The following CACNA1B variants were observed in gnomAD, a reference collection of about 807,000 sequenced individuals.
CACNA1B encodes the protein calcium voltage-gated channel subunit alpha1 B, also known as voltage-dependent N-type calcium channel subunit alpha-1B.
Under a neutral mutation model 247.2 loss-of-function variants are expected in CACNA1B, and 70 were observed. The observed-to-expected ratio is 0.28, with a 90% CI of 0.23 to 0.35. The LOEUF (loss-of-function observed/expected upper bound fraction) is 0.35. Among genes scored for constraint, CACNA1B ranks in the 10% least tolerant of loss-of-function variants. The probability of loss-of-function intolerance (pLI) is 1.00; values close to 1 mark genes in which losing one functional copy is unlikely to be tolerated. For missense variants in CACNA1B, 2,367 were observed against 3,197.4 expected (o/e 0.74, Z 6.26); for synonymous variants, 1,231 against 1,294.4 (o/e 0.95, Z 1.05).
intron 15 of CACNA1B, among the ~76,000 whole-genome samples, chr9:137,988,142 C>T (rs532051957): frequency 6.6e-6 from 1 of 152,308 alleles, no homozygotes; most frequent in East Asian, 1.9e-4. Flanking sequence ...GTGACAGGAC[C>T]TATGTCAGCC....
rs925700255 is a variant in CACNA1B, at chr9:137,963,204, C to T, written c.1333+5517C>T. The stretch of plus-strand genomic sequence containing the variant: ...TTTGTCAGAAACTAGGATTGCAACC[C>T]CTACTCTTTTCTGTTTTCCATTTGC... On this transcript the variant is annotated intron_variant, in intron 10 of 46. Coordinates refer to ENST00000371372, the MANE Select transcript of CACNA1B (RefSeq NM_000718.4). 3.3e-5 allele frequency among the ~76,000 whole-genome samples: 5 copies of T among 152,084 alleles called. No individual in the cohort carries two copies. The South Asian group carries it at 8.3e-4, about 25-fold the overall frequency.
intron 21 of CACNA1B, among the ~76,000 whole-genome samples, chr9:138,046,396 C>A (rs1197666577): frequency 2.0e-5 from 3 of 152,218 alleles, no homozygotes; most frequent in Non-Finnish European, 4.4e-5. Flanking sequence ...CGCACAGGCC[C>A]CAGAGAACTT....
intron 15 of CACNA1B, among the ~76,000 whole-genome samples, chr9:137,995,354 G>C: frequency 6.6e-6 from 1 of 152,078 alleles, no homozygotes; most frequent in East Asian, 1.9e-4. Flanking sequence ...CAATGGAAAA[G>C]AATAGAGAAC....
intron 3 of CACNA1B, among the ~76,000 whole-genome samples, chr9:137,896,171 G>A (rs566515149): frequency 4.0e-5 from 6 of 151,340 alleles, no homozygotes; most frequent in East Asian, 1.9e-4. Context: ...CCTGGGTGGC[G>A]GAGCTTGCAG....
chr9:138,044,541 G>T (rs1228074209), intron 21 of CACNA1B, among the ~76,000 whole-genome samples: 1 of 152,272 alleles, frequency 6.6e-6, no homozygotes, highest in African/African-American at 2.4e-5. Flanking sequence ...GCAAGGCATG[G>T]AGATGCGGAC....
Position 137,913,325 on chromosome 9 carries a change from T to G in CACNA1B, c.622+54T>G. The G allele has an allele frequency of 2.3e-6, 3 of 1,314,198 alleles. No individual in the cohort carries two copies. Among genetic ancestry groups the G allele is most frequent in the Non-Finnish European group, 3.3e-6 (3 of 912,226 alleles). The allele number at this position is 1,314,198 out of a possible 1,614,324, so 81.4% of individuals were successfully genotyped here. On this transcript the variant is annotated intron_variant, in intron 4 of 46. Coordinates refer to ENST00000371372, the MANE Select transcript of CACNA1B (RefSeq NM_000718.4). This position sits in a 1 kb window ranked among gnomAD's most constrained non-coding sequence, Gnocchi z 5.2. ...GGCTTGGAGTAACAACCTCCTCTCCTACCCTCACCACGGACATGGCCATGG... is the reference window on the plus strand; with the variant it reads ...GGCTTGGAGTAACAACCTCCTCTCCGACCCTCACCACGGACATGGCCATGG...
intron 42 of CACNA1B, 53 bp from the exon 43 acceptor site, chr9:138,117,893 A>T: frequency 6.9e-7 from 1 of 1,448,002 alleles, no homozygotes; most frequent in Non-Finnish European, 9.3e-7. Context: ...GCTATTGGTA[A>T]GGCACCTGCA....
rs778124347 is a variant in CACNA1B, at chr9:137,917,212, C to T, written c.776-29C>T. 6.3e-7 allele frequency: 1 copy of T among 1,592,626 alleles called. No homozygotes were observed. The highest frequency in any genetic ancestry group is 8.6e-7 in the Non-Finnish European group (1 of 1,168,332). On this transcript the variant is annotated intron_variant, in intron 5 of 46. Transcript: ENST00000371372. This position sits in a 1 kb window ranked among gnomAD's most constrained non-coding sequence, Gnocchi z 5.5. Reference sequence around the variant, plus strand: ...TTGGAGAGCTTGGTATTTCTGAGCTCAGGGTCTGCTTCATTCTCCTTCTTG... The same window carrying T: ...TTGGAGAGCTTGGTATTTCTGAGCTTAGGGTCTGCTTCATTCTCCTTCTTG...
rs1281453986 is a variant in CACNA1B, at chr9:138,032,843, A to G, written c.3286+7671A>G. The G allele has an allele frequency of 1.4e-5, 5 of 360,178 alleles. No individual in the cohort carries two copies. The East Asian group carries it at 4.2e-4, about 30-fold the overall frequency. 22.3% of individuals were successfully genotyped at this position (360,178 alleles called of 1,614,324 possible). On this transcript the variant is annotated intron_variant, in intron 20 of 46. Transcript: ENST00000371372. ...CTTTATATTTCAGAAGTTTGATTACAGTGTGCTTTGATGTGAGTTCCTTTA... is the reference window on the plus strand; with the variant it reads ...CTTTATATTTCAGAAGTTTGATTACGGTGTGCTTTGATGTGAGTTCCTTTA...
chr9:137,999,471 T>C (rs1046071682), intron 15 of CACNA1B, among the ~76,000 whole-genome samples: 3 of 151,544 alleles, frequency 2.0e-5, no homozygotes, highest in Non-Finnish European at 2.9e-5. Context: ...GAAAAACTTA[T>C]AATCTTAATG....
At chr9:137,929,820 A>G (rs113134446) in intron 6 of CACNA1B, among the ~76,000 whole-genome samples, 1 of 151,758 alleles carries the variant, frequency 6.6e-6, no homozygotes, top group Non-Finnish European at 1.5e-5. Flanking sequence ...AGCCTGGCTA[A>G]TTTTTAAATT....
chr9:138,071,462 A>G (rs1960130691), intron 32 of CACNA1B, among the ~76,000 whole-genome samples: 1 of 152,182 alleles, frequency 6.6e-6, no homozygotes, highest in Non-Finnish European at 1.5e-5. Flanking sequence ...GCTCTCCTGC[A>G]TGCAGCTGGC....
intron 36 of CACNA1B, among the ~76,000 whole-genome samples, chr9:138,090,956 CTT>C (rs1960859599): frequency 1.3e-5 from 2 of 151,984 alleles, no homozygotes; most frequent in South Asian, 4.1e-4. Flanking sequence ...AAGGAGAACT[CTT>C]ATACACTCTT....
rs202212273 is a variant in CACNA1B, at chr9:137,984,173, G to A, written c.1692G>A (p.Ala564=). 112 of 1,603,776 alleles carry A rather than the reference G, an allele frequency of 7.0e-5. 1 individual carries two copies. In the South Asian group the frequency reaches 1.2e-3, roughly 16 times the overall value. The part of the protein sequence containing the change: ...IVGSVFEVVW[A]AIKPGSSFGI... The stretch of plus-strand genomic sequence containing the variant: ...GGAGCGTCTTTGAAGTGGTCTGGGC[G>A]GCCATCAAGCCGGGAAGCTCCTTTG... The change falls in exon 13 of 47, where the codon GCG becomes GCA. Residue 564 remains alanine, a synonymous_variant. Transcript: ENST00000371372.
chr9:138,044,044 C>T (rs928013321), intron 21 of CACNA1B, 144 bp downstream of exon 21: 13 of 1,149,650 alleles, frequency 1.1e-5, no homozygotes, highest in Middle Eastern at 2.1e-4. Flanking sequence ...CCCAGAGGCA[C>T]GTGCCCGTGT....
chr9:137,917,711 G>T lies in CACNA1B; in HGVS notation c.966+280G>T, dbSNP rs1359833211. On this transcript the variant is annotated intron_variant, in intron 6 of 46. Transcript: ENST00000371372. The surrounding 1 kb of genome is among the most constrained non-coding windows in gnomAD (Gnocchi z 5.5). ...AGGCTGACTGGTGGAGGTCAGAGAA[G>T]AAAACTCCAGAGGAGATGCTGCTGT... is the stretch of plus-strand genomic sequence containing the variant. 6.6e-6 allele frequency among the ~76,000 whole-genome samples: 1 copy of T among 152,256 alleles called. No individual in the cohort carries two copies. Among genetic ancestry groups the T allele is most frequent in the Non-Finnish European group, 1.5e-5 (1 of 68,042 alleles).
In CACNA1B at chr9:137,974,718, A is replaced by G. The variant is rs1958197722; in HGVS notation, c.1544-1189A>G. Among the ~76,000 whole-genome samples, 1 of 152,176 alleles carries G rather than the reference A, an allele frequency of 6.6e-6. No homozygotes were observed. The highest frequency in any genetic ancestry group is 2.4e-5 in the African/African-American group (1 of 41,460). On this transcript the variant is annotated intron_variant, in intron 11 of 46. Coordinates refer to ENST00000371372, the MANE Select transcript of CACNA1B (RefSeq NM_000718.4). The surrounding 1 kb of genome is among the most constrained non-coding windows in gnomAD (Gnocchi z 4.5). The stretch of plus-strand genomic sequence containing the variant: ...GTGTCTGCTGAAGGTCCCGTGTCCC[A>G]ACAGAGACTGTAGAGGGGGATTCAG...
chr9:138,118,742 A>G lies in CACNA1B; in HGVS notation c.6004A>G (p.Met2002Val). 2 of 1,537,002 alleles carry G rather than the reference A, an allele frequency of 1.3e-6. No individual in the cohort carries two copies. Among genetic ancestry groups the G allele is most frequent in the African/African-American group, 1.4e-5 (1 of 72,918 alleles). ...GGAGAGCCAGGGTCGAGCGGCCTCCATGCCCCGCCTTGCGGCCGAGACTCA... is the reference window on the plus strand; with the variant it reads ...GGAGAGCCAGGGTCGAGCGGCCTCCGTGCCCCGCCTTGCGGCCGAGACTCA... ...GLESQGRAAS[M>V]PRLAAETQPV... The change falls in exon 44 of 47, where the codon ATG becomes GTG. Residue 2002 changes from methionine (M) to valine (V), a missense_variant. Met to Val is a conservative substitution (Grantham distance 21). Around this residue, in one of 12 missense-constraint regions of CACNA1B, gnomAD observed 773 missense variants for 779.4 expected, o/e 0.99. Coordinates refer to ENST00000371372, the MANE Select transcript of CACNA1B (RefSeq NM_000718.4).
intron 31 of CACNA1B, among the ~76,000 whole-genome samples, chr9:138,060,364 T>G (rs554659951): frequency 6.6e-6 from 1 of 152,206 alleles, no homozygotes; most frequent in African/African-American, 2.4e-5. Context: ...AGCACTCATG[T>G]GAAATTTATT....
Sources: allele counts gnomAD v4.1 joint callset (sites outside exome capture counted in the v4.1 genomes callset), GRCh38; gene constraint gnomAD v4.1.1; regional missense constraint gnomAD v4.1.1; non-coding constraint Gnocchi (gnomAD v3.1); transcripts MANE v1.5; gene names NCBI Gene and HGNC (gene_info 2026-07-23, HGNC 2026-07-21).